Variants in DGAT1 observed in about 807,000 individuals in gnomAD.
DGAT1 encodes the protein diacylglycerol O-acyltransferase 1, also known as ACAT related gene product 1.
In DGAT1, 60 loss-of-function variants were observed where a neutral mutation model predicts 72.6. That is an observed-to-expected ratio of 0.83 (90% CI 0.67 to 1.02). The LOEUF (loss-of-function observed/expected upper bound fraction) is 1.02, where lower values mean the gene tolerates loss of function less well. DGAT1 is among the 50% of genes least tolerant of loss of function. The probability of loss-of-function intolerance (pLI) is 0.00; values close to 1 mark genes in which losing one functional copy is unlikely to be tolerated. For missense variants in DGAT1, 592 were observed against 670.0 expected (o/e 0.88, Z 1.29); for synonymous variants, 290 against 267.5 (o/e 1.08, Z -0.82).
Position 144,317,839 on chromosome 8 carries a change from GAGCAGCC to G in DGAT1, c.856-24_856-18del. The G allele has an allele frequency of 3.1e-6, 5 of 1,608,396 alleles. No homozygotes were observed. Among genetic ancestry groups the G allele is most frequent in the Non-Finnish European group, 4.2e-6 (5 of 1,177,402 alleles). ...GAAGAACAGCTGGGGGGGAAACAGAGAGCAGCCAGCTGAGGCCCTGGCTAGCCAGAAG... is the reference window on the plus strand; with the variant it reads ...GAAGAACAGCTGGGGGGGAAACAGAGAGCTGAGGCCCTGGCTAGCCAGAAG... On this transcript the variant is annotated intron_variant, in intron 9 of 16. Transcript: ENST00000528718.
At position 144,316,586 on chromosome 8, in the gene DGAT1, G is replaced by A. The variant is rs543553010; in HGVS notation, c.1435C>T (p.Leu479Phe). ...TCTGCCGCTGGGGCCTCATAGTTGA[G>A]CACGTAGTAGTCGTGGACGTACATG... ...VLMYVHDYYV[L>F]NYEAPAAEA The change falls in exon 17 of 17, where the codon CTC becomes TTC. Residue 479 changes from leucine (L) to phenylalanine (F), a missense_variant. Leu to Phe is a conservative substitution (Grantham distance 22). Transcript: ENST00000528718. The A allele has an allele frequency of 7.5e-6, 12 of 1,603,516 alleles. No individual in the cohort carries two copies. Among genetic ancestry groups the A allele is most frequent in the East Asian group, 2.2e-5 (1 of 44,512 alleles).
At chr8:144,316,733 G>C (rs376020168) in intron 16 of DGAT1, 24 bp from the exon 17 acceptor site, 1 of 1,607,892 alleles carries the variant, frequency 6.2e-7, no homozygotes, top group Admixed American at 1.7e-5. Context: ...GGCCAAGTCA[G>C]TCGGCCATGG....
At position 144,317,824 on chromosome 8, in the gene DGAT1, TG is replaced by T. The variant is rs781961359; in HGVS notation, c.856-3del. 43 of 1,610,774 alleles carry T rather than the reference TG, an allele frequency of 2.7e-5. No individual in the cohort carries two copies. Among genetic ancestry groups the T allele is most frequent in the African/African-American group, 1.1e-4 (8 of 74,860 alleles). ...CACCTGGAGCTGGGTGAAGAACAGC[TG>T]GGGGGGAAACAGAGAGCAGCCAGCT... On this transcript the variant is annotated splice_region_variant and splice_polypyrimidine_tract_variant and intron_variant, in intron 9 of 16. Transcript: ENST00000528718.
intron 1 of DGAT1, 80 bp from the exon 2 acceptor site, chr8:144,321,488 C>A: frequency 7.7e-7 from 1 of 1,306,456 alleles, no homozygotes; most frequent in Non-Finnish European, 1.1e-6. Context: ...GGCCCCCACC[C>A]CAGTGTCCTC....
In DGAT1 at chr8:144,318,681, G is replaced by A. The variant is rs1817341409; in HGVS notation, c.468+18C>T. The A allele has an allele frequency of 1.2e-6, 2 of 1,608,936 alleles. No homozygotes were observed. Among genetic ancestry groups the A allele is most frequent in the Non-Finnish European group, 1.7e-6 (2 of 1,178,142 alleles). The stretch of plus-strand genomic sequence containing the variant: ...CACAGCAGGGTGAGCACACACGGAG[G>A]TGAGGGGCACTGCTTACCACCGCCA... On this transcript the variant is annotated intron_variant, in intron 5 of 16. Transcript: ENST00000528718.
Position 144,314,964 on chromosome 8 carries a change from G to A in DGAT1, c.*1590C>T. 1.0e-6 allele frequency: 1 copy of A among 985,912 alleles called. No individual in the cohort carries two copies. Among genetic ancestry groups the A allele is most frequent in the Non-Finnish European group, 1.2e-6 (1 of 830,332 alleles). 61.1% of individuals were successfully genotyped at this position (985,912 alleles called of 1,614,324 possible). ...GTCTCTGGTTGTCACAGGACCACCA[G>A]GAACCCCCTTCCCAAGGTGTTCGCA... On this transcript the variant is annotated 3_prime_UTR_variant, in exon 17 of 17. Transcript: ENST00000528718.
At chr8:144,321,458 C>T (rs782374172) in intron 1 of DGAT1, 50 bp from the exon 2 acceptor site, 54 of 1,543,436 alleles carry the variant, frequency 3.5e-5, no homozygotes, top group Non-Finnish European at 4.0e-5. Flanking sequence ...AGCAGGGCAG[C>T]GCCACCCCCG....
At chr8:144,318,407 G>T (rs782497569) in intron 6 of DGAT1, 45 bp from the exon 7 acceptor site, 1 of 1,609,982 alleles carries the variant, frequency 6.2e-7, no homozygotes, top group East Asian at 2.2e-5. Flanking sequence ...CACAGCCGGA[G>T]GCCATGCCCG....
rs540149396 is a variant in DGAT1 at position 144,326,646 on chromosome 8, C to A, written c.-10G>T. 1.4e-4 allele frequency: 172 copies of A among 1,187,964 alleles called. 2 individuals are homozygous for A. In the African/African-American group the frequency reaches 2.7e-3, roughly 18 times the overall value. 73.6% of individuals were successfully genotyped at this position (1,187,964 alleles called of 1,614,324 possible). On this transcript the variant is annotated 5_prime_UTR_variant, in exon 1 of 17. Transcript: ENST00000528718. The stretch of plus-strand genomic sequence containing the variant: ...TGCCGCGGTCGCCCATGGCCTCAGC[C>A]CGCACCCGGCCGCAGCCAAGCGTGG...
chr8:144,318,429 A>G (rs782240939), intron 6 of DGAT1, 32 bp downstream of exon 6: 178 of 1,608,692 alleles, frequency 1.1e-4, no homozygotes, highest in Non-Finnish European at 1.4e-4. Flanking sequence ...GGCTGGCCCG[A>G]GACAGATGGG....
chr8:144,324,989 G>C (rs782077563), intron 1 of DGAT1, among the ~76,000 whole-genome samples: 1 of 152,026 alleles, frequency 6.6e-6, no homozygotes, highest in Non-Finnish European at 1.5e-5. Context: ...ACTTGAACCT[G>C]GGAGGCAGAG....
Position 144,326,770 on chromosome 8 carries a change from C to A in DGAT1, c.-134G>T. The A allele has an allele frequency of 1.3e-6, 1 of 748,278 alleles. No individual in the cohort carries two copies. The highest frequency in any genetic ancestry group is 1.7e-6 in the Non-Finnish European group (1 of 588,696). The allele number at this position is 748,278 out of a possible 1,614,324, so 46.4% of individuals were successfully genotyped here. On this transcript the variant is annotated 5_prime_UTR_variant, in exon 1 of 17. Transcript: ENST00000528718. ...TGCCGGCCGCCGTAGCCCGGGTGAC[C>A]GCCTCACCAGCGCGTTCAACCCGCC...
At chr8:144,320,984 A>G (rs1368485418) in intron 2 of DGAT1, among the ~76,000 whole-genome samples, 1 of 152,148 alleles carries the variant, frequency 6.6e-6, no homozygotes, top group Non-Finnish European at 1.5e-5. Context: ...TGCACCCCTC[A>G]GGCCCAGCTC....
intron 1 of DGAT1, among the ~76,000 whole-genome samples, chr8:144,324,026 G>A (rs1817530696): frequency 6.6e-6 from 1 of 152,246 alleles, no homozygotes. Context: ...AAAACACCCT[G>A]GGAGAAGCCA....
Position 144,318,010 on chromosome 8 carries a change from G to A in DGAT1, c.759C>T (p.Tyr253=). 1 of 1,518,778 alleles carries A rather than the reference G, an allele frequency of 6.6e-7. No homozygotes were observed. Among genetic ancestry groups the A allele is most frequent in the African/African-American group, 1.4e-5 (1 of 71,866 alleles). 94.1% of individuals were successfully genotyped at this position (1,518,778 alleles called of 1,614,324 possible). Residue 253 remains tyrosine (Y), a synonymous_variant, in exon 9 of 17, where the codon TAC becomes TAT. Transcript: ENST00000528718. The stretch of plus-strand genomic sequence containing the variant: ...ACAAGGTGGGGGCGAAGAGGAAGTA[G>A]TAGAGATCTGGAATGGGAATGGGGG... ...YPDNLTYRDL[Y]YFLFAPTLCY...
intron 2 of DGAT1, 75 bp from the exon 3 acceptor site, chr8:144,319,143 C>G: frequency 2.0e-6 from 3 of 1,509,996 alleles, no homozygotes; most frequent in Non-Finnish European, 2.7e-6. Flanking sequence ...CCTCCCAACA[C>G]CTCTGGGCAC....
In DGAT1 at chr8:144,317,820, C is replaced by T; in HGVS notation, c.858G>A (p.Leu286=). 1 of 1,611,428 alleles carries T rather than the reference C, an allele frequency of 6.2e-7. No individual in the cohort carries two copies. The highest frequency in any genetic ancestry group is 8.5e-7 in the Non-Finnish European group (1 of 1,178,940). Residue 286 remains leucine (L), a splice_region_variant and synonymous_variant, in exon 10 of 17, where the codon CTG becomes CTA. Coordinates refer to ENST00000528718, the MANE Select transcript of DGAT1 (RefSeq NM_012079.6). Reference sequence around the variant, plus strand: ...GCCCCACCTGGAGCTGGGTGAAGAACAGCTGGGGGGGAAACAGAGAGCAGC... The same window carrying T: ...GCCCCACCTGGAGCTGGGTGAAGAATAGCTGGGGGGGAAACAGAGAGCAGC... ...RFLLRRILEM[L]FFTQLQVGLI...
intron 12 of DGAT1, 32 bp downstream of exon 12, chr8:144,317,507 CTCCTG>C (rs782654275): frequency 4.3e-6 from 7 of 1,613,716 alleles, no homozygotes; most frequent in Non-Finnish European, 5.9e-6. Context: ...CCACTGTCCC[CTCCTG>C]TCCTGTGCAT....
Position 144,316,302 on chromosome 8 carries a change from C to T in DGAT1, c.*252G>A. On this transcript the variant is annotated 3_prime_UTR_variant, in exon 17 of 17. Transcript: ENST00000528718. ...GCAGGCTGAAGAGGTCACTGGACAGCACTTTATTGACACCCTCGGACCCGG... is the reference window on the plus strand; with the variant it reads ...GCAGGCTGAAGAGGTCACTGGACAGTACTTTATTGACACCCTCGGACCCGG... 1 of 530,432 alleles carries T rather than the reference C, an allele frequency of 1.9e-6. No individual in the cohort carries two copies. The highest frequency in any genetic ancestry group is 3.4e-5 in the Admixed American group (1 of 29,596). The allele number at this position is 530,432 out of a possible 1,614,324, so 32.9% of individuals were successfully genotyped here.
Sources: gnomAD v4.1 joint callset for allele counts (sites outside exome capture counted in the v4.1 genomes callset) on GRCh38, gnomAD v4.1.1 for gene constraint, MANE v1.5 for transcripts, NCBI Gene and HGNC (gene_info 2026-07-23, HGNC 2026-07-21) for gene names.